Variants in FNBP1 observed in about 807,000 individuals in gnomAD.
FNBP1 encodes formin-binding protein 1.
In FNBP1, 26 loss-of-function variants were observed where a neutral mutation model predicts 90.6. The ratio of observed to expected loss-of-function variants is 0.29; its 90% CI spans 0.21 to 0.40. The LOEUF is 0.40. Among genes scored for constraint, FNBP1 ranks in the 10% least tolerant of loss-of-function variants. FNBP1 has a pLI of 1.00. For missense variants in FNBP1, 635 were observed against 768.0 expected (o/e 0.83, Z 2.05); for synonymous variants, 260 against 265.2 (o/e 0.98, Z 0.19).
At chr9:130,001,240 G>C (rs907827555) in intron 1 of FNBP1, among the ~76,000 whole-genome samples, 1 of 150,602 alleles carries the variant, frequency 6.6e-6, no homozygotes, top group Non-Finnish European at 1.5e-5. Flanking sequence ...ACTGAGATGG[G>C]AGAATTGCTT....
intron 6 of FNBP1, among the ~76,000 whole-genome samples, chr9:129,949,384 C>A (rs941025112): frequency 4.6e-5 from 7 of 152,182 alleles, no homozygotes; most frequent in Non-Finnish European, 7.4e-5. Flanking sequence ...GAGATAAAAA[C>A]TGCTAGCTTT....
In FNBP1 at chr9:129,890,665, G is replaced by A; in HGVS notation, c.1847-119C>T. The stretch of plus-strand genomic sequence containing the variant: ...CCGCCCTGGGAGGGGAGGGTAGTGG[G>A]AGGGGAGGGATGGGAGGGGGCGTCT... On this transcript the variant is annotated intron_variant, in intron 16 of 16. Coordinates refer to ENST00000446176, the MANE Select transcript of FNBP1 (RefSeq NM_015033.3). This position sits in a 1 kb window ranked among gnomAD's most constrained non-coding sequence, Gnocchi z 5.8. 1.7e-6 allele frequency: 1 copy of A among 591,910 alleles called. No homozygotes were observed. The highest frequency in any genetic ancestry group is 3.2e-6 in the Non-Finnish European group (1 of 313,198). The allele number at this position is 591,910 out of a possible 1,614,324, so 36.7% of individuals were successfully genotyped here.
intron 7 of FNBP1, among the ~76,000 whole-genome samples, chr9:129,929,286 TG>T (rs1695205238): frequency 6.6e-6 from 1 of 151,662 alleles, no homozygotes; most frequent in Non-Finnish European, 1.5e-5. Flanking sequence ...GGTACGTGCC[TG>T]TAGTCCCAGC....
upstream of FNBP1, among the ~76,000 whole-genome samples, chr9:130,044,544 G>A (rs1355778675): frequency 4.6e-5 from 7 of 152,118 alleles, no homozygotes; most frequent in Non-Finnish European, 8.8e-5. Flanking sequence ...CAGGAGGATC[G>A]CTTGAGCCTA....
chr9:130,037,658 C>T (rs2059443906), intron 1 of FNBP1, among the ~76,000 whole-genome samples: 1 of 152,066 alleles, frequency 6.6e-6, no homozygotes, highest in South Asian at 2.1e-4. Context: ...GGTACTTAGA[C>T]TGTGTGTATT....
At chr9:129,997,546 T>C (rs1010562770) in intron 1 of FNBP1, among the ~76,000 whole-genome samples, 5 of 152,212 alleles carry the variant, frequency 3.3e-5, no homozygotes, top group African/African-American at 1.2e-4. Context: ...CTTAAACTAC[T>C]TGAGAGAACA....
At chr9:130,053,602 A>AG in the FNBP1 span, 23 of 369,564 alleles carry the variant, frequency 6.2e-5, no homozygotes, top group African/African-American at 4.8e-4. Context: ...CCCTGAGATC[A>AG]GGGGTCCCCG....
intron 12 of FNBP1, among the ~76,000 whole-genome samples, chr9:129,904,527 GCCAAAAGACAAA>G (rs1564280206): frequency 1.3e-5 from 2 of 152,044 alleles, no homozygotes; most frequent in Admixed American, 6.6e-5. Context: ...ACAATAGAAG[GCCAAAAGACAAA>G]CCAAAAGATA....
intron 3 of FNBP1, 117 bp from the exon 4 acceptor site, chr9:129,978,729 G>A: frequency 1.1e-6 from 1 of 925,432 alleles, no homozygotes; most frequent in Non-Finnish European, 1.6e-6. Flanking sequence ...CCTCCCATAG[G>A]ATCCTGAGTA....
intron 6 of FNBP1, 125 bp from the exon 7 acceptor site, chr9:129,929,820 C>T (rs542782140): frequency 5.5e-5 from 45 of 813,136 alleles, no homozygotes; most frequent in South Asian, 2.9e-4. Flanking sequence ...AAATGTATTC[C>T]GCGGGTGCTT....
intron 6 of FNBP1, among the ~76,000 whole-genome samples, chr9:129,945,608 TG>T: frequency 6.6e-6 from 1 of 152,326 alleles, no homozygotes; most frequent in South Asian, 2.1e-4. Context: ...TTTCCCCAAA[TG>T]GTAAAAAAAT....
intron 2 of FNBP1, among the ~76,000 whole-genome samples, chr9:129,990,932 G>GTTTTT (rs35179648): frequency 1.2e-4 from 15 of 129,994 alleles, no homozygotes; most frequent in South Asian, 2.5e-4. Flanking sequence ...TGACACCAGG[G>GTTTTT]TTTTTTTTTT....
chr9:129,923,230 T>C (rs1285081948), intron 10 of FNBP1, among the ~76,000 whole-genome samples: 1 of 151,918 alleles, frequency 6.6e-6, no homozygotes, highest in Non-Finnish European at 1.5e-5. Context: ...AGAAAATGCA[T>C]GACTTGGATG....
intron 2 of FNBP1, among the ~76,000 whole-genome samples, chr9:129,985,779 A>G (rs7029030): frequency 0.049 from 7,516 of 152,000 alleles, 273 homozygotes; most frequent in Middle Eastern, 0.095. Flanking sequence ...CCTGACCAAC[A>G]TGGTGAAACC....
intron 4 of FNBP1, among the ~76,000 whole-genome samples, chr9:129,977,875 C>A (rs1422181936): frequency 1.3e-5 from 2 of 151,812 alleles, no homozygotes; most frequent in African/African-American, 2.4e-5. Flanking sequence ...TGTCTGATAC[C>A]CTGAAATATA....
chr9:130,005,503 G>A (rs564951467), intron 1 of FNBP1, among the ~76,000 whole-genome samples: 7 of 151,714 alleles, frequency 4.6e-5, no homozygotes, highest in South Asian at 4.2e-4. Context: ...CACCACACCC[G>A]GCTAATTTTT....
chr9:130,016,048 AAATTT>A (rs1053206260), intron 1 of FNBP1, among the ~76,000 whole-genome samples: 2 of 152,156 alleles, frequency 1.3e-5, no homozygotes, highest in Non-Finnish European at 2.9e-5. Flanking sequence ...CATCTATTAG[AAATTT>A]TGTATTTATT....
chr9:129,975,279 G>T (rs953433976), intron 4 of FNBP1, among the ~76,000 whole-genome samples: 26 of 152,258 alleles, frequency 1.7e-4, no homozygotes, highest in African/African-American at 5.5e-4. Flanking sequence ...ACTGATATTT[G>T]TTCTAATATT....
chr9:129,959,520 C>T (rs1214470659), intron 4 of FNBP1, among the ~76,000 whole-genome samples: 1 of 151,912 alleles, frequency 6.6e-6, no homozygotes, highest in Non-Finnish European at 1.5e-5. Context: ...ACCTGGGAGG[C>T]AGAGGTTGCA....
Sources: gnomAD v4.1 joint callset for allele counts (sites outside exome capture counted in the v4.1 genomes callset) on GRCh38, gnomAD v4.1.1 for gene constraint, Gnocchi (gnomAD v3.1) non-coding constraint, MANE v1.5 for transcripts, NCBI Gene and HGNC (gene_info 2026-07-23, HGNC 2026-07-21) for gene names.